The following STK3 variants were observed in gnomAD, a reference collection of about 807,000 sequenced individuals.
STK3 encodes the protein serine/threonine kinase 3, also known as serine/threonine-protein kinase 3.
Under a neutral mutation model 58.0 loss-of-function variants are expected in STK3, and 41 were observed. That is an observed-to-expected ratio of 0.71 (90% CI 0.55 to 0.92). The LOEUF (loss-of-function observed/expected upper bound fraction) is 0.92. Among genes scored for constraint, STK3 ranks in the 40% least tolerant of loss-of-function variants. STK3 has a pLI of 0.00. For missense variants in STK3, 479 were observed against 602.7 expected (o/e 0.79, Z 2.15); for synonymous variants, 170 against 191.0 (o/e 0.89, Z 0.91).
intron 10 of STK3, among the ~76,000 whole-genome samples, chr8:98,480,062 A>G (rs560136556): frequency 5.0e-4 from 76 of 152,168 alleles, no homozygotes; most frequent in Middle Eastern, 3.4e-3. Context: ...AAAAAAATTT[A>G]AAAAGAAAGT....
At chr8:98,409,194 A>G (rs1036558360) in intron 3 of STK3, among the ~76,000 whole-genome samples, 1 of 152,186 alleles carries the variant, frequency 6.6e-6, no homozygotes, top group African/African-American at 2.4e-5. Context: ...GAGAGGTGCC[A>G]TGTCTTGGAG....
At chr8:98,563,774 AAAAT>A (rs973497662) in intron 8 of STK3, among the ~76,000 whole-genome samples, 2 of 152,168 alleles carry the variant, frequency 1.3e-5, no homozygotes, top group African/African-American at 4.8e-5. Flanking sequence ...CAATTTAAGC[AAAAT>A]AAATAAATAA....
At chr8:98,367,289 T>C (rs1817573622), downstream of STK3, among the ~76,000 whole-genome samples, 1 of 152,200 alleles carries the variant, frequency 6.6e-6, no homozygotes, top group Admixed American at 6.5e-5. Flanking sequence ...AGTCAAACCT[T>C]ACCCCAGCCC....
intron 9 of STK3, among the ~76,000 whole-genome samples, chr8:98,531,950 G>A (rs1364803850): frequency 6.6e-6 from 1 of 152,192 alleles, no homozygotes; most frequent in Non-Finnish European, 1.5e-5. Flanking sequence ...GTTAGACTTT[G>A]GCTTAAGGAA....
intron 1 of STK3, among the ~76,000 whole-genome samples, chr8:98,930,560 A>G (rs567449300): frequency 2.1e-4 from 32 of 152,348 alleles, no homozygotes; most frequent in African/African-American, 7.7e-4. Flanking sequence ...GGAAACAATG[A>G]TTGTCTGTCC....
At chr8:98,444,190 A>G (rs1379269424) in intron 1 of STK3, among the ~76,000 whole-genome samples, 1 of 152,196 alleles carries the variant, frequency 6.6e-6, no homozygotes, top group Non-Finnish European at 1.5e-5. Context: ...ACAGTGATCT[A>G]TATCTGGGTA....
At chr8:98,395,236 T>TAA (rs920267921) in intron 3 of STK3, among the ~76,000 whole-genome samples, 1 of 146,968 alleles carries the variant, frequency 6.8e-6, no homozygotes, top group Non-Finnish European at 1.5e-5. Flanking sequence ...GGCATCTGAT[T>TAA]AAAAAAAAAA....
chr8:98,894,287 G>C (rs536598510), intron 1 of STK3, among the ~76,000 whole-genome samples: 5 of 152,036 alleles, frequency 3.3e-5, no homozygotes, highest in African/African-American at 4.8e-5. Context: ...TTTTCCTTTG[G>C]ACAGCTCATC....
intron 1 of STK3, among the ~76,000 whole-genome samples, chr8:98,775,506 T>C (rs1831619019): frequency 6.6e-6 from 1 of 152,206 alleles, no homozygotes; most frequent in African/African-American, 2.4e-5. Context: ...AGACTGTGCA[T>C]TACTCACTGT....
At chr8:98,740,965 C>T (rs1418726355) in intron 4 of STK3, among the ~76,000 whole-genome samples, 1 of 152,096 alleles carries the variant, frequency 6.6e-6, no homozygotes, top group African/African-American at 2.4e-5. Flanking sequence ...ATAAAACAGA[C>T]TTTAAACCAA....
Position 98,454,728 on chromosome 8 carries a change from G to C in STK3, c.*1114C>G, listed in dbSNP as rs1819366954. ...AACACTGTCAAGATGGCCATATGTA[G>C]CTTAGGAAATGACTGGTCCCAATGC... On this transcript the variant is annotated 3_prime_UTR_variant, in exon 11 of 11. Transcript: ENST00000419617. 1 of 152,544 alleles carries C rather than the reference G, an allele frequency of 6.6e-6. No homozygotes were observed. Among genetic ancestry groups the C allele is most frequent in the African/African-American group, 2.4e-5 (1 of 41,414 alleles). 9.4% of individuals were successfully genotyped at this position (152,544 alleles called of 1,614,324 possible).
In STK3 at chr8:98,706,469, T is replaced by C. The variant is rs564202745; in HGVS notation, c.682A>G (p.Arg228Gly). 1 of 1,607,318 alleles carries C rather than the reference T, an allele frequency of 6.2e-7. No individual in the cohort carries two copies. Among genetic ancestry groups the C allele is most frequent in the East Asian group, 2.2e-5 (1 of 44,728 alleles). The change falls in exon 6 of 11, where the codon AGG becomes GGG. Residue 228 changes from arginine to glycine, a missense_variant and splice_region_variant. Physicochemically the swap from Arg to Gly is moderately radical, Grantham distance 125. Coordinates refer to ENST00000419617, the MANE Select transcript of STK3 (RefSeq NM_006281.4). Reference protein sequence around the residue: ...KPPYADIHPMRAIFMIPTNPP... With the variant: ...KPPYADIHPMGAIFMIPTNPP... ...TCAGCAAACCATAATTTTCTTACCCTCATTGGATGTATATCAGCATAAGGA... is the reference window on the plus strand; with the variant it reads ...TCAGCAAACCATAATTTTCTTACCCCCATTGGATGTATATCAGCATAAGGA...
intron 1 of STK3, among the ~76,000 whole-genome samples, chr8:98,924,695 A>G (rs1395372426): frequency 6.6e-6 from 1 of 152,264 alleles, no homozygotes; most frequent in African/African-American, 2.4e-5. Context: ...GTAAAAAGCC[A>G]GAACTGAGGA....
chr8:98,905,204 G>A, intron 1 of STK3: 1 of 980,704 alleles, frequency 1.0e-6, no homozygotes, highest in East Asian at 2.4e-5. Context: ...CCATTCCAGG[G>A]GCAGTCCGAA....
chr8:98,895,288 C>G (rs950868779), intron 1 of STK3, among the ~76,000 whole-genome samples: 1 of 152,174 alleles, frequency 6.6e-6, no homozygotes, highest in Non-Finnish European at 1.5e-5. Context: ...GATTTCACAT[C>G]TCTAACAAGG....
At chr8:98,931,817 A>G (rs895211361) in intron 1 of STK3, among the ~76,000 whole-genome samples, 1 of 152,210 alleles carries the variant, frequency 6.6e-6, no homozygotes, top group African/African-American at 2.4e-5. Flanking sequence ...GTGGTTAAGT[A>G]TACTTTCTTT....
Position 98,905,300 on chromosome 8 carries a change from T to C in STK3, c.-78-21466A>G, listed in dbSNP as rs1838849070. The stretch of plus-strand genomic sequence containing the variant: ...CCCCTGACGGTCTCACTGCGTCCTC[T>C]GACCACTCCATGTGTATGAAGTGTA... On this transcript the variant is annotated intron_variant, in intron 1 of 1. Transcript: ENST00000519420. 2.0e-5 allele frequency: 17 copies of C among 842,316 alleles called. 1 individual carries two copies. In the South Asian group the frequency reaches 2.2e-4, roughly 11 times the overall value. 52.2% of individuals were successfully genotyped at this position (842,316 alleles called of 1,614,324 possible).
intron 6 of STK3, among the ~76,000 whole-genome samples, chr8:98,686,663 T>C (rs1824020956): frequency 6.6e-6 from 1 of 152,038 alleles, no homozygotes; most frequent in Non-Finnish European, 1.5e-5. Flanking sequence ...CAAGAGAAAG[T>C]TGAAATCCAA....
chr8:98,428,645 C>T lies in STK3; in HGVS notation n.483+5482G>A, dbSNP rs759268206. The T allele has an allele frequency of 4.3e-6, 7 of 1,614,192 alleles. No individual in the cohort carries two copies. Among genetic ancestry groups the T allele is most frequent in the Non-Finnish European group, 5.9e-6 (7 of 1,180,032 alleles). On this transcript the variant is annotated intron_variant and non_coding_transcript_variant, in intron 3 of 3. Transcript: ENST00000517832. This position sits in a 1 kb window ranked among gnomAD's most constrained non-coding sequence, Gnocchi z 6.7. Reference sequence around the variant, plus strand: ...TCCCTGACAGCCAGGGCAACCCTGGCGAGGACCCTAGGTTCGAAATCGTGG... The same window carrying T: ...TCCCTGACAGCCAGGGCAACCCTGGTGAGGACCCTAGGTTCGAAATCGTGG...
Sources: gnomAD v4.1 joint callset for allele counts (sites outside exome capture counted in the v4.1 genomes callset) on GRCh38, gnomAD v4.1.1 for gene constraint, Gnocchi (gnomAD v3.1) non-coding constraint, MANE v1.5 for transcripts, NCBI Gene and HGNC (gene_info 2026-07-23, HGNC 2026-07-21) for gene names.